CHD1L: variants seen among roughly 807,000 people sequenced by gnomAD.
The protein encoded by CHD1L is ATP-dependent chromatin remodeler CHD1L.
CHD1L carries 118 observed loss-of-function variants against 115.9 expected under a neutral mutation model. The ratio of observed to expected loss-of-function variants is 1.02; its 90% CI spans 0.88 to 1.19. CHD1L has a LOEUF of 1.19. Ranked by LOEUF, CHD1L falls within the 50% of genes most tolerant of loss-of-function variation. The pLI, the probability that CHD1L is intolerant of heterozygous loss-of-function variation, is 0.00. For missense variants in CHD1L, 1,179 were observed against 1,065.3 expected, an observed-to-expected ratio of 1.11 and a Z score of -1.49; for synonymous variants, 411 against 387.1, an observed-to-expected ratio of 1.06 and a Z score of -0.72.
intron 15 of CHD1L, among the ~76,000 whole-genome samples, chr1:147,283,991 A>G (rs1682011127): frequency 6.6e-6 from 1 of 152,226 alleles, no homozygotes; most frequent in Non-Finnish European, 1.5e-5. Context: ...TTGGAATAAA[A>G]AAGTACGGAT....
the CHD1L span, chr1:147,209,011 C>G: frequency 2.5e-6 from 4 of 1,614,166 alleles, no homozygotes; most frequent in East Asian, 4.5e-5. Context: ...GTCCCCTACA[C>G]GATTCAGGAT....
chr1:147,190,619 A>G, the CHD1L span, among the ~76,000 whole-genome samples: 1 of 152,158 alleles, frequency 6.6e-6, no homozygotes, highest in Non-Finnish European at 1.5e-5. Flanking sequence ...ACACAGCTGC[A>G]CCTGTATTCT....
upstream of CHD1L, among the ~76,000 whole-genome samples, chr1:147,238,907 C>G (rs1048614229): frequency 2.6e-5 from 4 of 152,164 alleles, no homozygotes; most frequent in African/African-American, 9.7e-5. Context: ...GAGAGCCAGA[C>G]AGACTTCATC....
chr1:147,228,916 G>A, the CHD1L span, among the ~76,000 whole-genome samples: 1 of 152,052 alleles, frequency 6.6e-6, no homozygotes, highest in Non-Finnish European at 1.5e-5. Flanking sequence ...TTAGCCCTTT[G>A]TCAGATGAGT....
At chr1:147,275,056 A>G (rs1677804439) in intron 12 of CHD1L, among the ~76,000 whole-genome samples, 1 of 152,196 alleles carries the variant, frequency 6.6e-6, no homozygotes, top group African/African-American at 2.4e-5. Flanking sequence ...TTTAAGCAGA[A>G]GAGATAAAGT....
At chr1:147,205,913 A>G in the CHD1L span, among the ~76,000 whole-genome samples, 2,523 of 152,258 alleles carry the variant, frequency 0.017, 23 homozygotes, top group Non-Finnish European at 0.027. Flanking sequence ...AAAATTGACA[A>G]ATGGGATCTA....
chr1:147,280,107 A>T lies in CHD1L; in HGVS notation c.1621A>T (p.Ile541Phe). Residue 541 changes from isoleucine (I) to phenylalanine (F), a missense_variant, in exon 15 of 23, where the codon ATC (isoleucine) becomes TTC (phenylalanine). Transcript: ENST00000369258. ...STMDEIDLESILGETKDGQWV... is the reference protein window; with the variant it reads ...STMDEIDLESFLGETKDGQWV... ...CATGGATGAAATAGACCTGGAGTCCATCCTGGGAGAAACAAAAGATGGCCA... is the reference window on the plus strand; with the variant it reads ...CATGGATGAAATAGACCTGGAGTCCTTCCTGGGAGAAACAAAAGATGGCCA... 6.2e-7 allele frequency: 1 copy of T among 1,613,982 alleles called. No homozygotes were observed. Among genetic ancestry groups the T allele is most frequent in the Non-Finnish European group, 8.5e-7 (1 of 1,179,976 alleles).
At position 147,270,963 on chromosome 1, in the gene CHD1L, A is replaced by C; in HGVS notation, c.1117A>C (p.Thr373Pro). 3 of 1,613,996 alleles carry C rather than the reference A, an allele frequency of 1.9e-6. No homozygotes were observed. Among genetic ancestry groups the C allele is most frequent in the Non-Finnish European group, 2.5e-6 (3 of 1,179,964 alleles). Reference protein sequence around the residue: ...GHRVLLFSQMTQMLDILQDYM... With the variant: ...GHRVLLFSQMPQMLDILQDYM... Reference sequence around the variant, plus strand: ...TCGGGTTTTACTTTTCTCCCAAATGACCCAGATGTTGGATATTCTCCAAGA... The same window carrying C: ...TCGGGTTTTACTTTTCTCCCAAATGCCCCAGATGTTGGATATTCTCCAAGA... Residue 373 changes from threonine to proline, a missense_variant, in exon 11 of 23, where the codon ACC becomes CCC. Transcript: ENST00000369258.
At chr1:147,292,647 G>T (rs1685980589) in intron 20 of CHD1L, among the ~76,000 whole-genome samples, 1 of 152,204 alleles carries the variant, frequency 6.6e-6, no homozygotes, top group Admixed American at 6.5e-5. Flanking sequence ...CCTGCTGGGG[G>T]CTTCAGGAAG....
At chr1:147,287,522 C>T in intron 18 of CHD1L, 113 bp from the exon 19 acceptor site, 2 of 689,266 alleles carry the variant, frequency 2.9e-6, no homozygotes, top group Admixed American at 2.9e-5. Flanking sequence ...TATTTTGTTT[C>T]TTCCCTTTGA....
the CHD1L span, chr1:147,205,025 G>T: frequency 1.4e-6 from 1 of 727,418 alleles, no homozygotes. Flanking sequence ...GATACATTCA[G>T]TCACTCTTCC....
At chr1:147,277,829 G>A (rs1446086205) in intron 14 of CHD1L, among the ~76,000 whole-genome samples, 1 of 152,170 alleles carries the variant, frequency 6.6e-6, no homozygotes, top group Non-Finnish European at 1.5e-5. Context: ...AGGGGTAAAT[G>A]ACAGAGCCTC....
chr1:147,260,072 C>T (rs376745973), intron 6 of CHD1L, 154 bp downstream of exon 6: 4 of 555,454 alleles, frequency 7.2e-6, no homozygotes, highest in East Asian at 6.0e-5. Context: ...TGTCCCCTGT[C>T]CCCACACTTG....
At chr1:147,204,759 G>T in the CHD1L span, 1 of 1,545,760 alleles carries the variant, frequency 6.5e-7, no homozygotes, top group Admixed American at 1.7e-5. Context: ...TCTCCAAGTG[G>T]TTGATAACCA....
chr1:147,225,697 G>A, the CHD1L span: 7 of 152,532 alleles, frequency 4.6e-5, no homozygotes, highest in Admixed American at 2.0e-4. Flanking sequence ...CCCAAAGCCA[G>A]TTCTACTCCA....
At chr1:147,242,322 A>G (rs1664989116), upstream of CHD1L, among the ~76,000 whole-genome samples, 1 of 152,186 alleles carries the variant, frequency 6.6e-6, no homozygotes, top group African/African-American at 2.4e-5. Flanking sequence ...AACAAGTCTT[A>G]CTTCTAGAAC....
Position 147,295,675 on chromosome 1 carries a change from C to A in CHD1L, c.*166C>A. ...CTGGATGTTTTGCTCTGTTTTGGTA[C>A]CTGTAATATAGGGAAACACAACTTT... On this transcript the variant is annotated 3_prime_UTR_variant, in exon 23 of 23. Transcript: ENST00000369258. 2 of 565,486 alleles carry A rather than the reference C, an allele frequency of 3.5e-6. No individual in the cohort carries two copies. Among genetic ancestry groups the A allele is most frequent in the Non-Finnish European group, 6.1e-6 (2 of 330,064 alleles). The allele number at this position is 565,486 out of a possible 1,614,324, so 35.0% of individuals were successfully genotyped here.
At chr1:147,226,264 C>A in the CHD1L span, among the ~76,000 whole-genome samples, 1 of 150,846 alleles carries the variant, frequency 6.6e-6, no homozygotes, top group Non-Finnish European at 1.5e-5. Context: ...CTCTCCTCCC[C>A]TCCTCACAAT....
At chr1:147,212,563 G>A in the CHD1L span, 150,925 of 1,599,242 alleles carry the variant, frequency 0.094, 11,854 homozygotes, top group East Asian at 0.41. Flanking sequence ...ATAATTATTG[G>A]GTAATGGTTT....
Sources: gnomAD v4.1 joint callset for allele counts (sites outside exome capture counted in the v4.1 genomes callset) on GRCh38, gnomAD v4.1.1 for gene constraint, MANE v1.5 for transcripts, NCBI Gene and HGNC (gene_info 2026-07-23, HGNC 2026-07-21) for gene names.